The following GLDC variants were observed in gnomAD, a reference collection of about 807,000 sequenced individuals.
The protein encoded by GLDC is glycine decarboxylase.
GLDC carries 104 observed loss-of-function variants against 121.3 expected under a neutral mutation model. That is an observed-to-expected ratio of 0.86 (90% CI 0.73 to 1.01). The LOEUF (loss-of-function observed/expected upper bound fraction) is 1.01. Ranked by LOEUF, GLDC falls within the 50% of genes least tolerant of loss-of-function variation. GLDC has a pLI of 0.00. For synonymous variants in GLDC, 546 were observed against 480.6 expected, an observed-to-expected ratio of 1.14 and a Z score of -1.78; for missense variants, 1,429 against 1,306.6, an observed-to-expected ratio of 1.09 and a Z score of -1.44.
At chr9:6,640,364 C>G (rs1819605218) in intron 2 of GLDC, among the ~76,000 whole-genome samples, 1 of 152,268 alleles carries the variant, frequency 6.6e-6, no homozygotes, top group Non-Finnish European at 1.5e-5. Flanking sequence ...CAATGGGCAT[C>G]ATCTGGCTAA....
At position 6,645,558 on chromosome 9, in the gene GLDC, C is replaced by G; in HGVS notation, c.-59G>C. On this transcript the variant is annotated 5_prime_UTR_variant, in exon 1 of 25. Transcript: ENST00000321612. ...AGGGTCAGCCGCGCTCTTGGCCCCT[C>G]TCCTGGCCTCGGTCCCCCGGGTGGC... The G allele has an allele frequency of 8.3e-7, 1 of 1,211,230 alleles. No individual in the cohort carries two copies. Among genetic ancestry groups the G allele is most frequent in the South Asian group, 2.6e-5 (1 of 38,260 alleles). 75.0% of individuals were successfully genotyped at this position (1,211,230 alleles called of 1,614,324 possible).
chr9:6,576,394 C>A (rs1403936993), intron 15 of GLDC, among the ~76,000 whole-genome samples: 1 of 152,170 alleles, frequency 6.6e-6, no homozygotes, highest in Non-Finnish European at 1.5e-5. Context: ...TTGTACAACC[C>A]TCATGACCTA....
intron 4 of GLDC, among the ~76,000 whole-genome samples, chr9:6,608,462 C>T (rs1486715259): frequency 6.7e-6 from 1 of 149,478 alleles, no homozygotes; most frequent in Admixed American, 6.7e-5. Context: ...TTAACTCGGC[C>T]GGGCTCAGTG....
At chr9:6,616,558 G>C (rs911951327) in intron 3 of GLDC, among the ~76,000 whole-genome samples, 3 of 152,186 alleles carry the variant, frequency 2.0e-5, no homozygotes, top group Non-Finnish European at 1.5e-5. Flanking sequence ...CCTCATTTCA[G>C]GAGAAAAATA....
chr9:6,616,736 A>C (rs1270329793), intron 3 of GLDC, among the ~76,000 whole-genome samples: 3 of 152,238 alleles, frequency 2.0e-5, no homozygotes, highest in Non-Finnish European at 4.4e-5. Context: ...TGCACATCCA[A>C]GAAGGCATTT....
chr9:6,631,878 G>C (rs1819389484), intron 2 of GLDC, among the ~76,000 whole-genome samples: 1 of 152,170 alleles, frequency 6.6e-6, no homozygotes, highest in Non-Finnish European at 1.5e-5. Context: ...ACCAGCCTAG[G>C]CAACACAGCA....
At position 6,645,705 on chromosome 9, in the gene GLDC, C is replaced by T. The variant is rs376722267; in HGVS notation, c.-206G>A. ...CACTCGCGCAAAGTTGTGGCTCCACCCAAGGCACCTGCTCCGCACACTTTA... is the reference window on the plus strand; with the variant it reads ...CACTCGCGCAAAGTTGTGGCTCCACTCAAGGCACCTGCTCCGCACACTTTA... On this transcript the variant is annotated 5_prime_UTR_variant, in exon 1 of 25. Coordinates refer to ENST00000321612, the MANE Select transcript of GLDC (RefSeq NM_000170.3). The T allele has an allele frequency of 6.3e-6, 2 of 318,898 alleles. No individual in the cohort carries two copies. The highest frequency in any genetic ancestry group is 1.1e-5 in the Non-Finnish European group (2 of 180,918). 19.8% of individuals were successfully genotyped at this position (318,898 alleles called of 1,614,324 possible).
intron 17 of GLDC, 52 bp downstream of exon 17, chr9:6,558,507 A>C: frequency 6.2e-7 from 1 of 1,605,128 alleles, no homozygotes; most frequent in Non-Finnish European, 8.5e-7. Flanking sequence ...CCTGATCCCC[A>C]CCAGCACTCC....
intron 22 of GLDC, among the ~76,000 whole-genome samples, chr9:6,539,628 T>C (rs1817213392): frequency 6.6e-6 from 1 of 152,190 alleles, no homozygotes; most frequent in African/African-American, 2.4e-5. Flanking sequence ...GAAAGTTGCA[T>C]TTTCTTTGTG....
At chr9:6,631,539 A>C (rs1819377151) in intron 2 of GLDC, among the ~76,000 whole-genome samples, 1 of 152,244 alleles carries the variant, frequency 6.6e-6, no homozygotes, top group African/African-American at 2.4e-5. Flanking sequence ...TGTACAGAGA[A>C]ACATTGCAAT....
Position 6,602,160 on chromosome 9 carries a change from C to T in GLDC, c.1104G>A (p.Arg368=), listed in dbSNP as rs778139501. 4 of 1,613,582 alleles carry T rather than the reference C, an allele frequency of 2.5e-6. No individual in the cohort carries two copies. The highest frequency in any genetic ancestry group is 2.2e-5 in the South Asian group (2 of 91,058). The change falls in exon 8 of 25, where the codon AGG becomes AGA. Residue 368 remains arginine (R), a synonymous_variant. Transcript: ENST00000321612. ...KEVYRLALQT[R]EQHIRRDKAT... ...CCTTGTCTCTCCGAATGTGTTGCTC[C>T]CTGGTTTGAAGAGCAAGACGATACA...
At chr9:6,546,216 A>G (rs1351443498) in intron 21 of GLDC, among the ~76,000 whole-genome samples, 13 of 151,584 alleles carry the variant, frequency 8.6e-5, no homozygotes, top group Admixed American at 2.6e-4. Context: ...TTTTTGAGAC[A>G]GTGTCTCACT....
chr9:6,572,292 G>C (rs1294765653), intron 15 of GLDC, among the ~76,000 whole-genome samples: 1 of 152,178 alleles, frequency 6.6e-6, no homozygotes, highest in Non-Finnish European at 1.5e-5. Flanking sequence ...AAGTACAAAT[G>C]CAATTCAGAA....
chr9:6,612,714 T>G (rs1818884234), intron 3 of GLDC, among the ~76,000 whole-genome samples: 1 of 152,088 alleles, frequency 6.6e-6, no homozygotes, highest in Non-Finnish European at 1.5e-5. Context: ...ATACAAAAAT[T>G]AGCTGGGTGT....
At chr9:6,574,877 C>T (rs534482814) in intron 15 of GLDC, among the ~76,000 whole-genome samples, 67 of 152,158 alleles carry the variant, frequency 4.4e-4, no homozygotes, top group African/African-American at 1.5e-3. Flanking sequence ...GGGAGGGAGA[C>T]GGCAAATAGT....
At chr9:6,564,672 G>C (rs916244069) in intron 16 of GLDC, among the ~76,000 whole-genome samples, 2 of 152,184 alleles carry the variant, frequency 1.3e-5, no homozygotes, top group African/African-American at 4.8e-5. Context: ...CAGGAACACA[G>C]GCCTCCTCTG....
Position 6,533,072 on chromosome 9 carries a change from G to T in GLDC, c.3008C>A (p.Pro1003Gln). The change falls in exon 25 of 25, where the codon CCA becomes CAA. Residue 1003 changes from proline (P) to glutamine (Q), a missense_variant. Coordinates refer to ENST00000321612, the MANE Select transcript of GLDC (RefSeq NM_000170.3). The part of the protein sequence containing the change: ...YGDQHLVCTC[P>Q]PMEVYESPFS... ...TGGAGACTCATAAACTTCCATGGGTGGGCAGGTACAAACCAGGTGCTGATC... is the reference window on the plus strand; with the variant it reads ...TGGAGACTCATAAACTTCCATGGGTTGGCAGGTACAAACCAGGTGCTGATC... The T allele has an allele frequency of 6.2e-7, 1 of 1,610,952 alleles. No individual in the cohort carries two copies. The highest frequency in any genetic ancestry group is 8.5e-7 in the Non-Finnish European group (1 of 1,177,102).
At chr9:6,547,571 A>T (rs1276077992) in intron 21 of GLDC, among the ~76,000 whole-genome samples, 1 of 152,226 alleles carries the variant, frequency 6.6e-6, no homozygotes, top group Non-Finnish European at 1.5e-5. Context: ...CATACATGTC[A>T]AAAGCTTCAG....
intron 3 of GLDC, among the ~76,000 whole-genome samples, chr9:6,615,965 C>T (rs1482815222): frequency 3.3e-5 from 5 of 152,112 alleles, no homozygotes; most frequent in Admixed American, 2.6e-4. Context: ...CTATGCTACC[C>T]AGGCTGGAGT....
Sources: allele counts gnomAD v4.1 joint callset (sites outside exome capture counted in the v4.1 genomes callset), GRCh38; gene constraint gnomAD v4.1.1; transcripts MANE v1.5; gene names NCBI Gene and HGNC (gene_info 2026-07-23, HGNC 2026-07-21).